Variants in ARHGDIG observed in about 807,000 individuals in gnomAD.
ARHGDIG encodes rho GDP-dissociation inhibitor 3.
In ARHGDIG, 14 loss-of-function variants were observed where a neutral mutation model predicts 20.2. That is an observed-to-expected ratio of 0.69 (90% CI 0.46 to 1.08). The LOEUF (loss-of-function observed/expected upper bound fraction) is 1.08. ARHGDIG is among the 50% of genes least tolerant of loss of function. The pLI is 0.00. For synonymous variants in ARHGDIG, 193 were observed against 138.6 expected (o/e 1.39, Z -2.76); for missense variants, 311 against 301.8 (o/e 1.03, Z -0.23).
intron 1 of ARHGDIG, chr16:281,315 GGCCGCCGAGGGCC>G (rs2052280164): frequency 1.4e-5 from 2 of 139,326 alleles, no homozygotes; most frequent in African/African-American, 7.0e-5. Context: ...AGGCTTGGGG[GGCCGCCGAGGGCC>G]CTAGAGGGTC....
chr16:282,865 C>A lies in ARHGDIG; in HGVS notation c.*51C>A. 1.3e-6 allele frequency: 2 copies of A among 1,500,202 alleles called. No homozygotes were observed. Among genetic ancestry groups the A allele is most frequent in the Admixed American group, 2.0e-5 (1 of 48,938 alleles). 92.9% of individuals were successfully genotyped at this position (1,500,202 alleles called of 1,614,324 possible). On this transcript the variant is annotated 3_prime_UTR_variant, in exon 6 of 6. Transcript: ENST00000219409. ...TCCCTCAGTTGTTGCACAGGGACCC[C>A]CAAGCATCCCCAGCACCCCCCGTGA...
rs1243970759 is a variant in ARHGDIG at position 282,932 on chromosome 16, C to T, written c.*118C>T. On this transcript the variant is annotated 3_prime_UTR_variant, in exon 6 of 6. Coordinates refer to ENST00000219409, the MANE Select transcript of ARHGDIG (RefSeq NM_001176.4). ...CTGCTGCCCCTGCTGCCCCTGCTGC[C>T]CCTGCTCTGTCCCGGGACCCCCTGG... is the stretch of plus-strand genomic sequence containing the variant. The T allele has an allele frequency of 3.5e-6, 4 of 1,139,272 alleles. No individual in the cohort carries two copies. The highest frequency in any genetic ancestry group is 3.1e-5 in the South Asian group (2 of 64,546). The allele number at this position is 1,139,272 out of a possible 1,614,324, so 70.6% of individuals were successfully genotyped here.
Position 281,829 on chromosome 16 carries a change from A to C in ARHGDIG, c.157A>C (p.Arg53=). ...TGTGCCCGAGTACCGGGCGCCGGGGAGGAAGAGCCTCTTGGAGATCCGGCA... is the reference window on the plus strand; with the variant it reads ...TGTGCCCGAGTACCGGGCGCCGGGGCGGAAGAGCCTCTTGGAGATCCGGCA... ...EAVPEYRAPG[R]KSLLEIRQLD... is the part of the protein sequence containing the mutation. Residue 53 remains arginine (R), a synonymous_variant, in exon 2 of 6, where the codon AGG becomes CGG. Coordinates refer to ENST00000219409, the MANE Select transcript of ARHGDIG (RefSeq NM_001176.4). 10 of 1,611,828 alleles carry C rather than the reference A, an allele frequency of 6.2e-6. No individual in the cohort carries two copies. Among genetic ancestry groups the C allele is most frequent in the Non-Finnish European group, 8.5e-6 (10 of 1,179,770 alleles).
intron 1 of ARHGDIG, chr16:281,133 A>T: frequency 6.5e-6 from 1 of 154,728 alleles, no homozygotes; most frequent in Non-Finnish European, 1.4e-5. Flanking sequence ...GAGGGGCTTC[A>T]GGAGGCCACC....
rs1197285643 is a variant in ARHGDIG at position 281,971 on chromosome 16, T to TGAG, written c.253+50_254-48dup. 3 of 1,472,728 alleles carry TGAG rather than the reference T, an allele frequency of 2.0e-6. No individual in the cohort carries two copies. In the South Asian group the frequency reaches 3.5e-5, roughly 17 times the overall value. The allele number at this position is 1,472,728 out of a possible 1,614,324, so 91.2% of individuals were successfully genotyped here. A position where few individuals can be genotyped will look rare whatever the true frequency, so the allele number is the denominator to read the frequency against. On this transcript the variant is annotated intron_variant, in intron 2 of 5. Coordinates refer to ENST00000219409, the MANE Select transcript of ARHGDIG (RefSeq NM_001176.4). ...TGGAGGGCTGGGTCTGGGGGGCTGGTGAGGAGCCTGGTGGGGGTGGGGGGC... is the reference window on the plus strand; with the variant it reads ...TGGAGGGCTGGGTCTGGGGGGCTGGTGAGGAGGAGCCTGGTGGGGGTGGGGGGC...
intron 3 of ARHGDIG, 37 bp downstream of exon 3, chr16:282,145 G>T: frequency 2.5e-6 from 4 of 1,611,730 alleles, no homozygotes; most frequent in Non-Finnish European, 3.4e-6. Context: ...ACACAGGTAG[G>T]GCCCTCCCAG....
chr16:282,558 C>CGGGGGGGGAGGGGGG (rs2052298619), intron 5 of ARHGDIG, 28 bp downstream of exon 5: 12 of 1,313,250 alleles, frequency 9.1e-6, no homozygotes, highest in Admixed American at 7.5e-5. Context: ...GGGAACGGGG[C>CGGGGGGGGAGGGGGG]GGGGGGGGGA....
chr16:281,620 C>T, intron 1 of ARHGDIG, 126 bp from the exon 2 acceptor site: 1 of 1,152,802 alleles, frequency 8.7e-7, no homozygotes, highest in South Asian at 1.6e-5. Flanking sequence ...CTCCCTGAGC[C>T]CCCAGAGGCT....
chr16:281,470 G>A (rs901655638), intron 1 of ARHGDIG: 18 of 425,016 alleles, frequency 4.2e-5, no homozygotes, highest in Non-Finnish European at 7.2e-5. Flanking sequence ...CCCGCCCTTT[G>A]GTCTCCGAGT....
rs2052274775 is a variant in ARHGDIG, at chr16:280,747, G to A, written c.67G>A (p.Ala23Thr). 6 of 1,289,898 alleles carry A rather than the reference G, an allele frequency of 4.7e-6. No individual in the cohort carries two copies. In the African/African-American group the frequency reaches 4.7e-5, roughly 10 times the overall value. The allele number at this position is 1,289,898 out of a possible 1,614,324, so 79.9% of individuals were successfully genotyped here. ...GGAGCTGCTCCGGCTGGCGCTGTGC[G>A]CCCGAGGTGAGCGGGCCGGGCAGGG... ...LLELLRLALC[A>T]RVLLADKEGG... Residue 23 changes from alanine to threonine, a missense_variant, in exon 1 of 6, where the codon GCC (alanine) becomes ACC (threonine). Transcript: ENST00000219409. This position sits in a 1 kb window ranked among gnomAD's most constrained non-coding sequence, Gnocchi z 6.6.
chr16:282,664 G>C lies in ARHGDIG; in HGVS notation c.528G>C (p.Glu176Asp), dbSNP rs1360286041. 6.2e-7 allele frequency: 1 copy of C among 1,601,576 alleles called. No homozygotes were observed. The highest frequency in any genetic ancestry group is 1.1e-5 in the South Asian group (1 of 89,156). Residue 176 changes from glutamate to aspartate, a missense_variant, in exon 6 of 6, where the codon GAG becomes GAC. Glu to Asp is a conservative substitution (Grantham distance 45). Coordinates refer to ENST00000219409, the MANE Select transcript of ARHGDIG (RefSeq NM_001176.4). ...GCAGCTATGGCCCGAGCGCCCAGGA[G>C]TATGAGTTTGTGACTCCGGTGGAGG... The part of the protein sequence containing the change: ...MVGSYGPSAQ[E>D]YEFVTPVEEA...
chr16:281,793 T>A lies in ARHGDIG; in HGVS notation c.121T>A (p.Leu41Met). 6.2e-7 allele frequency: 1 copy of A among 1,610,916 alleles called. No homozygotes were observed. Among genetic ancestry groups the A allele is most frequent in the East Asian group, 2.2e-5 (1 of 44,834 alleles). The change falls in exon 2 of 6, where the codon TTG becomes ATG. Residue 41 changes from leucine to methionine, a missense_variant. Coordinates refer to ENST00000219409, the MANE Select transcript of ARHGDIG (RefSeq NM_001176.4). ...EGGPPAVDEV[L>M]DEAVPEYRAP... ...TGGGCCGCCGGCAGTGGACGAGGTG[T>A]TGGATGAGGCTGTGCCCGAGTACCG...
intron 1 of ARHGDIG, chr16:281,160 G>A (rs2052278432): frequency 6.5e-6 from 1 of 153,956 alleles, no homozygotes; most frequent in South Asian, 2.1e-4. Context: ...GGGCGCCATG[G>A]GAGGCGGCGC....
At position 280,711 on chromosome 16, in the gene ARHGDIG, G is replaced by A. The variant is rs1330051374; in HGVS notation, c.31G>A (p.Ala11Thr). 18 of 1,272,032 alleles carry A rather than the reference G, an allele frequency of 1.4e-5. No homozygotes were observed. Among genetic ancestry groups the A allele is most frequent in the Non-Finnish European group, 1.6e-5 (16 of 1,003,778 alleles). 78.8% of individuals were successfully genotyped at this position (1,272,032 alleles called of 1,614,324 possible). A position where few individuals can be genotyped will look rare whatever the true frequency, so the allele number is the denominator to read the frequency against. Residue 11 changes from alanine to threonine, a missense_variant, in exon 1 of 6, where the codon GCG (alanine) becomes ACG (threonine). By Grantham distance (58) the Ala-to-Thr change is moderately conservative (BLOSUM62 0). Coordinates refer to ENST00000219409, the MANE Select transcript of ARHGDIG (RefSeq NM_001176.4). The surrounding 1 kb of genome is among the most constrained non-coding windows in gnomAD (Gnocchi z 6.6). ...GGGCCTGGACGCGTGCGAGCTGGGG[G>A]CGCAGCTGCTGGAGCTGCTCCGGCT... MLGLDACELGAQLLELLRLAL... is the reference protein window; with the variant it reads MLGLDACELGTQLLELLRLAL...
In ARHGDIG at chr16:281,934, G is replaced by T. The variant is rs1437712640; in HGVS notation, c.253+9G>T. ...CCTGCCACCGGCCGTGGGTATGGCA[G>T]GGGTCTAGGCTTGGAGGGCTGGGTC... On this transcript the variant is annotated intron_variant, in intron 2 of 5. Coordinates refer to ENST00000219409, the MANE Select transcript of ARHGDIG (RefSeq NM_001176.4). 6.2e-7 allele frequency: 1 copy of T among 1,603,664 alleles called. No individual in the cohort carries two copies. The highest frequency in any genetic ancestry group is 1.1e-5 in the South Asian group (1 of 90,900).
chr16:281,694 C>A, intron 1 of ARHGDIG, 52 bp from the exon 2 acceptor site: 1 of 1,501,366 alleles, frequency 6.7e-7, no homozygotes, highest in Non-Finnish European at 8.9e-7. Flanking sequence ...GCCTGGTGCT[C>A]GAATGCCAGG....
intron 1 of ARHGDIG, 154 bp from the exon 2 acceptor site, chr16:281,592 G>T: frequency 1.1e-6 from 1 of 932,688 alleles, no homozygotes; most frequent in Non-Finnish European, 1.6e-6. Context: ...AGGCCGCCCT[G>T]CTCTCTCTGC....
chr16:281,765 G>A lies in ARHGDIG; in HGVS notation c.93G>A (p.Glu31=), dbSNP rs1294548847. 6.2e-7 allele frequency: 1 copy of A among 1,600,450 alleles called. No individual in the cohort carries two copies. The highest frequency in any genetic ancestry group is 2.3e-5 in the East Asian group (1 of 44,306). The change falls in exon 2 of 6, where the codon GAG becomes GAA. Residue 31 remains glutamate, a synonymous_variant. Coordinates refer to ENST00000219409, the MANE Select transcript of ARHGDIG (RefSeq NM_001176.4). Reference sequence around the variant, plus strand: ...CCCCAGTCCTCCTGGCTGACAAGGAGGGTGGGCCGCCGGCAGTGGACGAGG... The same window carrying A: ...CCCCAGTCCTCCTGGCTGACAAGGAAGGTGGGCCGCCGGCAGTGGACGAGG... ...LCARVLLADK[E]GGPPAVDEVL... is the part of the protein sequence containing the mutation.
rs762523264 is a variant in ARHGDIG at position 282,352 on chromosome 16, C to T, written c.393C>T (p.Tyr131=). Residue 131 remains tyrosine (Y), a synonymous_variant, in exon 4 of 6, where the codon TAC becomes TAT. Transcript: ENST00000219409. ...TTGTCCTGAAGGAAGGTGTTGATTA[C>T]AGAGTGAAGATCTCCTTCAAGGTGA... ...QVFVLKEGVD[Y]RVKISFKVHR... The T allele has an allele frequency of 1.2e-5, 19 of 1,613,030 alleles. No homozygotes were observed. The East Asian group carries it at 1.6e-4, about 13-fold the overall frequency.
Sources: gnomAD v4.1 joint callset for allele counts on GRCh38, gnomAD v4.1.1 for gene constraint, Gnocchi (gnomAD v3.1) non-coding constraint, MANE v1.5 for transcripts, NCBI Gene and HGNC (gene_info 2026-07-23, HGNC 2026-07-21) for gene names.